Variants in ARID1A observed in about 807,000 individuals in gnomAD.
ARID1A encodes the protein AT-rich interactive domain-containing protein 1A.
ARID1A carries 20 observed loss-of-function variants against 212.6 expected under a neutral mutation model. The observed-to-expected ratio is 0.09, with a 90% CI of 0.07 to 0.14. The LOEUF is 0.14. Ranked by LOEUF, ARID1A falls within the 10% of genes least tolerant of loss-of-function variation. The pLI is 1.00. For missense variants in ARID1A, 2,587 were observed against 3,059.0 expected (o/e 0.85, Z 3.64); for synonymous variants, 1,376 against 1,222.1 (o/e 1.13, Z -2.63).
At chr1:26,732,426 T>TGTC (rs2080688016) in intron 3 of ARID1A, among the ~76,000 whole-genome samples, 1 of 152,208 alleles carries the variant, frequency 6.6e-6, no homozygotes, top group South Asian at 2.1e-4. Context: ...TGGCCAGACA[T>TGTC]TAGCATTTAA....
At chr1:26,751,720 C>T (rs888008049) in intron 4 of ARID1A, among the ~76,000 whole-genome samples, 19 of 152,228 alleles carry the variant, frequency 1.2e-4, no homozygotes, top group African/African-American at 4.6e-4. Flanking sequence ...ACTTTATTAA[C>T]TTTATCTAAC....
chr1:26,731,730 G>A lies in ARID1A; in HGVS notation c.1803+126G>A, dbSNP rs936751147. ...GCACTTAAAGACCAATTAAACTCTG[G>A]GTAAACATGATAACTGGATTGATTG... On this transcript the variant is annotated intron_variant, in intron 3 of 19. Coordinates refer to ENST00000324856, the MANE Select transcript of ARID1A (RefSeq NM_006015.6). 5.8e-6 allele frequency: 6 copies of A among 1,029,432 alleles called. No individual in the cohort carries two copies. The African/African-American group carries it at 6.5e-5, about 11-fold the overall frequency. 63.8% of individuals were successfully genotyped at this position (1,029,432 alleles called of 1,614,324 possible). A position where few individuals can be genotyped will look rare whatever the true frequency, so the allele number is the denominator to read the frequency against.
chr1:26,738,172 C>G (rs980787644), intron 4 of ARID1A, among the ~76,000 whole-genome samples: 1 of 151,786 alleles, frequency 6.6e-6, no homozygotes, highest in Non-Finnish European at 1.5e-5. Context: ...TACAGACGCC[C>G]GCTACCACAC....
At chr1:26,766,141 C>T (rs764684905) in intron 8 of ARID1A, 80 bp from the exon 9 acceptor site, 1 of 1,484,214 alleles carries the variant, frequency 6.7e-7, no homozygotes. Context: ...GATGATCACA[C>T]AGCACTATTT....
At chr1:26,757,157 G>T (rs542714226) in intron 4 of ARID1A, among the ~76,000 whole-genome samples, 1 of 151,502 alleles carries the variant, frequency 6.6e-6, no homozygotes, top group African/African-American at 2.4e-5. Flanking sequence ...GGAGGTTGCA[G>T]TGAGCTGAGA....
Position 26,762,773 on chromosome 1 carries a change from A to G in ARID1A, c.2420-200A>G, listed in dbSNP as rs755274689. ...CTGGAAGTTGAAATGCCTGTGTGGCAGCAAAGCCAGCCTTGCTCTGACCTG... is the reference window on the plus strand; with the variant it reads ...CTGGAAGTTGAAATGCCTGTGTGGCGGCAAAGCCAGCCTTGCTCTGACCTG... On this transcript the variant is annotated intron_variant, in intron 7 of 19. Coordinates refer to ENST00000324856, the MANE Select transcript of ARID1A (RefSeq NM_006015.6). Among the ~76,000 whole-genome samples the G allele has an allele frequency of 4.3e-4, 66 of 152,220 alleles. 1 individual carries two copies. The highest frequency in any genetic ancestry group is 2.6e-4 in the Non-Finnish European group (18 of 68,046).
rs374115376 is a variant in ARID1A, at chr1:26,718,051, C to T, written c.1138-11600C>T. On this transcript the variant is annotated intron_variant, in intron 1 of 19. Coordinates refer to ENST00000324856, the MANE Select transcript of ARID1A (RefSeq NM_006015.6). ...GTGCAAAGGTGCAATCTTGGCTCAACGCAACCTCCGCTTCCCAGGTTCAAG... is the reference window on the plus strand; with the variant it reads ...GTGCAAAGGTGCAATCTTGGCTCAATGCAACCTCCGCTTCCCAGGTTCAAG... Among the ~76,000 whole-genome samples the T allele has an allele frequency of 1.2e-4, 19 of 152,210 alleles. No individual in the cohort carries two copies. The East Asian group carries it at 3.3e-3, about 26-fold the overall frequency.
At chr1:26,747,159 G>A (rs2080843956) in intron 4 of ARID1A, among the ~76,000 whole-genome samples, 1 of 152,114 alleles carries the variant, frequency 6.6e-6, no homozygotes, top group East Asian at 1.9e-4. Context: ...TGATGAAATC[G>A]ATATGTATTC....
At chr1:26,773,942 T>G (rs1171533799) in intron 17 of ARID1A, 44 bp downstream of exon 17, 1 of 1,584,942 alleles carries the variant, frequency 6.3e-7, no homozygotes, top group Non-Finnish European at 8.7e-7. Flanking sequence ...AGGTTCGCCT[T>G]GAAAACTAGT....
intron 1 of ARID1A, among the ~76,000 whole-genome samples, chr1:26,699,316 T>A (rs1415879044): frequency 1.3e-5 from 2 of 152,218 alleles, no homozygotes; most frequent in East Asian, 3.8e-4. Context: ...CATCATGCTC[T>A]GTCAGCAGTG....
intron 4 of ARID1A, among the ~76,000 whole-genome samples, chr1:26,750,965 AAG>A (rs1297127386): frequency 6.6e-6 from 1 of 152,018 alleles, no homozygotes; most frequent in African/African-American, 2.4e-5. Context: ...GTAATTAGGA[AAG>A]AGGGGGGCCG....
chr1:26,733,793 T>G (rs2080703325), intron 4 of ARID1A, among the ~76,000 whole-genome samples: 1 of 152,204 alleles, frequency 6.6e-6, no homozygotes, highest in Non-Finnish European at 1.5e-5. Flanking sequence ...TAAGAATCTT[T>G]TGGAATTTTG....
chr1:26,713,800 C>G (rs1033245190), intron 1 of ARID1A, among the ~76,000 whole-genome samples: 2 of 152,180 alleles, frequency 1.3e-5, no homozygotes, highest in Non-Finnish European at 2.9e-5. Context: ...AGACAGATTC[C>G]TTCATCTGTT....
At chr1:26,719,752 C>A (rs974012743) in intron 1 of ARID1A, among the ~76,000 whole-genome samples, 1 of 149,354 alleles carries the variant, frequency 6.7e-6, no homozygotes, top group African/African-American at 2.5e-5. Flanking sequence ...ACCAGCCTGA[C>A]CAATGTGATG....
At chr1:26,722,484 G>A (rs529461587) in intron 1 of ARID1A, among the ~76,000 whole-genome samples, 5 of 152,312 alleles carry the variant, frequency 3.3e-5, no homozygotes, top group African/African-American at 9.6e-5. Context: ...GACCTCAGGC[G>A]ATCTGCCGCC....
intron 3 of ARID1A, among the ~76,000 whole-genome samples, 197 bp from the exon 4 acceptor site, chr1:26,732,479 A>C (rs1166663524): frequency 1.3e-5 from 2 of 152,220 alleles, no homozygotes; most frequent in African/African-American, 2.4e-5. Flanking sequence ...AATGGGTGAC[A>C]ATTCTGTCAG....
chr1:26,731,406 C>T lies in ARID1A; in HGVS notation c.1605C>T (p.Pro535=), dbSNP rs756050241. ...ATCAGCAGTCCCCGGCTCCATACCC[C>T]TCCCAGCAGTCGACGACACAGCAGC... is the stretch of plus-strand genomic sequence containing the variant. ...PPHQQSPAPY[P]SQQSTTQQHP... is the part of the protein sequence containing the mutation. The change falls in exon 3 of 20, where the codon CCC becomes CCT. Residue 535 remains proline (P), a synonymous_variant. Transcript: ENST00000324856. 6.2e-7 allele frequency: 1 copy of T among 1,613,974 alleles called. No individual in the cohort carries two copies. The highest frequency in any genetic ancestry group is 1.1e-5 in the South Asian group (1 of 91,066).
At chr1:26,736,185 A>G (rs958215100) in intron 4 of ARID1A, among the ~76,000 whole-genome samples, 1 of 151,474 alleles carries the variant, frequency 6.6e-6, no homozygotes, top group Non-Finnish European at 1.5e-5. Context: ...TTAGCCAGGC[A>G]TGGCAGTGGG....
At chr1:26,724,645 A>G (rs551869461) in intron 1 of ARID1A, among the ~76,000 whole-genome samples, 2 of 152,288 alleles carry the variant, frequency 1.3e-5, no homozygotes, top group African/African-American at 4.8e-5. Context: ...GTCTACCTTA[A>G]AAGTCTAGTC....
Sources: allele counts gnomAD v4.1 joint callset (sites outside exome capture counted in the v4.1 genomes callset), GRCh38; gene constraint gnomAD v4.1.1; transcripts MANE v1.5; gene names NCBI Gene and HGNC (gene_info 2026-07-23, HGNC 2026-07-21).